The following PBX1 variants were observed in gnomAD, a reference collection of about 807,000 sequenced individuals.
PBX1 encodes the protein pre-B-cell leukemia transcription factor 1.
PBX1 carries 6 observed loss-of-function variants against 53.4 expected under a neutral mutation model. The observed-to-expected ratio is 0.11, with a 90% CI of 0.06 to 0.22. The LOEUF is 0.22. Among genes scored for constraint, PBX1 ranks in the 10% least tolerant of loss-of-function variants. PBX1 has a pLI of 1.00. For synonymous variants in PBX1, 204 were observed against 212.3 expected (o/e 0.96, Z 0.34); for missense variants, 251 against 551.4 (o/e 0.46, Z 5.46).
At chr1:164,644,430 A>G (rs1402778625) in intron 2 of PBX1, among the ~76,000 whole-genome samples, 2 of 152,180 alleles carry the variant, frequency 1.3e-5, no homozygotes, top group African/African-American at 4.8e-5. Context: ...AATTCTGCTC[A>G]TCTTAGGACC....
intron 6 of PBX1, 26 bp downstream of exon 6, chr1:164,812,175 G>C: frequency 5.7e-6 from 9 of 1,591,174 alleles, no homozygotes; most frequent in Non-Finnish European, 7.7e-6. Flanking sequence ...GATTGGGGGT[G>C]GGGGAAGGAA....
In PBX1 at chr1:164,807,584, G is replaced by A. The variant is rs766728137; in HGVS notation, c.744G>A (p.Leu248=). The A allele has an allele frequency of 1.2e-6, 2 of 1,613,926 alleles. No individual in the cohort carries two copies. The highest frequency in any genetic ancestry group is 2.2e-5 in the South Asian group (2 of 91,008). ...TCAACAAGCAAGCGACAGAAATCCTGAATGAATATTTCTATTCCCATCTCA... is the reference window on the plus strand; with the variant it reads ...TCAACAAGCAAGCGACAGAAATCCTAAATGAATATTTCTATTCCCATCTCA... ...RNFNKQATEI[L]NEYFYSHLSN... is the part of the protein sequence containing the mutation. Residue 248 remains leucine (L), a synonymous_variant, in exon 5 of 9, where the codon CTG becomes CTA. Coordinates refer to ENST00000420696, the MANE Select transcript of PBX1 (RefSeq NM_002585.4).
intron 8 of PBX1, among the ~76,000 whole-genome samples, chr1:164,838,793 C>A (rs1238074640): frequency 1.3e-5 from 2 of 152,094 alleles, no homozygotes; most frequent in Non-Finnish European, 2.9e-5. Flanking sequence ...CACCTGCAGC[C>A]AAGCCATCCA....
rs191144664 is a variant in PBX1, at chr1:164,666,101, G to A, written c.265+102790G>A. ...GACAAGATGGAGTTGAAGAGATACG[G>A]GATGTGACTCCTGGGTACCGTTCAC... On this transcript the variant is annotated intron_variant, in intron 2 of 8. Coordinates refer to ENST00000420696, the MANE Select transcript of PBX1 (RefSeq NM_002585.4). Among the ~76,000 whole-genome samples the A allele has an allele frequency of 7.9e-4, 121 of 152,288 alleles. 1 individual carries two copies. The highest frequency in any genetic ancestry group is 2.7e-3 in the African/African-American group (112 of 41,556).
intron 2 of PBX1, among the ~76,000 whole-genome samples, chr1:164,723,181 G>C (rs137922500): frequency 7.4e-4 from 113 of 152,274 alleles, no homozygotes; most frequent in African/African-American, 2.5e-3. Context: ...CCCCCAAATA[G>C]TGAAGTAATA....
intron 2 of PBX1, among the ~76,000 whole-genome samples, chr1:164,692,281 G>T (rs1467617530): frequency 6.6e-6 from 1 of 152,118 alleles, no homozygotes; most frequent in Non-Finnish European, 1.5e-5. Flanking sequence ...AAGTGAGGAT[G>T]GTGTGAACTC....
chr1:164,576,041 G>C (rs1259835832), intron 2 of PBX1, among the ~76,000 whole-genome samples: 2 of 152,114 alleles, frequency 1.3e-5, no homozygotes, highest in Admixed American at 6.6e-5. Context: ...AGAGATGAGA[G>C]AGCATGTTCG....
chr1:164,687,583 A>AT (rs1662188796), intron 2 of PBX1, among the ~76,000 whole-genome samples: 1 of 142,720 alleles, frequency 7.0e-6, no homozygotes. Context: ...AAAAAAAAAA[A>AT]GGAAATAGTT....
chr1:164,560,357 C>A, intron 1 of PBX1: 1 of 397,366 alleles, frequency 2.5e-6, no homozygotes. Flanking sequence ...AAAAAAGTAT[C>A]AGAGAAAGCA....
At chr1:164,716,685 T>TACACACACACACAC (rs375539653) in intron 2 of PBX1, among the ~76,000 whole-genome samples, 4,311 of 115,716 alleles carry the variant, frequency 0.037, 125 homozygotes, top group Non-Finnish European at 0.044. Context: ...ATGTCATCTC[T>TACACACACACACAC]ACACACACAC....
chr1:164,733,487 T>TA (rs1419302334), intron 2 of PBX1, among the ~76,000 whole-genome samples: 2 of 152,122 alleles, frequency 1.3e-5, no homozygotes, highest in African/African-American at 4.8e-5. Context: ...TGTGACATTT[T>TA]AAAAAAATCA....
chr1:164,814,488 TC>T (rs1669780163), intron 6 of PBX1: 1 of 152,194 alleles, frequency 6.6e-6, no homozygotes, highest in Admixed American at 6.5e-5. Context: ...ATGCCTGTAA[TC>T]CCAGCACTTT....
At chr1:164,602,546 G>A (rs1557884887) in intron 2 of PBX1, among the ~76,000 whole-genome samples, 1 of 152,100 alleles carries the variant, frequency 6.6e-6, no homozygotes, top group African/African-American at 2.4e-5. Flanking sequence ...TAGACATGCT[G>A]CTCACCCACA....
intron 8 of PBX1, among the ~76,000 whole-genome samples, chr1:164,826,833 G>A (rs1490157204): frequency 6.6e-6 from 1 of 152,148 alleles, no homozygotes; most frequent in African/African-American, 2.4e-5. Flanking sequence ...ATAAGTGTCA[G>A]CATTATCTCT....
chr1:164,693,749 T>C (rs778179398), intron 2 of PBX1, among the ~76,000 whole-genome samples: 16 of 152,188 alleles, frequency 1.1e-4, no homozygotes, highest in Non-Finnish European at 2.2e-4. Context: ...TTCCTGAGTA[T>C]CATGTAGCCA....
chr1:164,714,333 T>C (rs1321683830), intron 2 of PBX1, among the ~76,000 whole-genome samples: 1 of 152,240 alleles, frequency 6.6e-6, no homozygotes, highest in African/African-American at 2.4e-5. Context: ...GTTCTTTACA[T>C]GTAGGCTAAG....
chr1:164,671,914 C>T (rs1325078035), intron 2 of PBX1, among the ~76,000 whole-genome samples: 1 of 152,112 alleles, frequency 6.6e-6, no homozygotes, highest in Non-Finnish European at 1.5e-5. Flanking sequence ...TCCAGACCCT[C>T]TTGTACTTTC....
chr1:164,705,274 A>G (rs1312731768), intron 2 of PBX1, among the ~76,000 whole-genome samples: 4 of 152,236 alleles, frequency 2.6e-5, no homozygotes, highest in Admixed American at 1.3e-4. Context: ...CAGTATTATA[A>G]TATGTCTGGG....
chr1:164,875,092 A>C (rs1234800036), intron 2 of PBX1, among the ~76,000 whole-genome samples: 1 of 152,182 alleles, frequency 6.6e-6, no homozygotes, highest in Non-Finnish European at 1.5e-5. Context: ...AAAAATCTGC[A>C]GTCCAGAGAC....
Sources: allele counts gnomAD v4.1 joint callset (sites outside exome capture counted in the v4.1 genomes callset), GRCh38; gene constraint gnomAD v4.1.1; transcripts MANE v1.5; gene names NCBI Gene and HGNC (gene_info 2026-07-23, HGNC 2026-07-21).